KIAA0825: variants seen among roughly 807,000 people sequenced by gnomAD.
The protein encoded by KIAA0825 is uncharacterized protein KIAA0825.
Under a neutral mutation model 147.6 loss-of-function variants are expected in KIAA0825, and 119 were observed. The observed-to-expected ratio is 0.81, with a 90% CI of 0.69 to 0.94. The LOEUF is 0.94. Ranked by LOEUF, KIAA0825 falls within the 40% of genes least tolerant of loss-of-function variation. The probability of loss-of-function intolerance (pLI) is 0.00; values close to 1 mark genes in which losing one functional copy is unlikely to be tolerated. For synonymous variants in KIAA0825, 470 were observed against 518.1 expected (o/e 0.91, Z 1.26); for missense variants, 1,381 against 1,472.7 (o/e 0.94, Z 1.02).
rs114515916 is a variant in KIAA0825 at position 94,210,808 on chromosome 5, C to A, written c.3711-56684G>T. 7.5e-3 allele frequency among the ~76,000 whole-genome samples: 1,139 copies of A among 152,266 alleles called. 12 individuals carry two copies. The highest frequency in any genetic ancestry group is 0.027 in the African/African-American group (1,107 of 41,564). ...AAGAAACTGTATTAAAAAATTAGGT[C>A]TAGGGTGTGGATTTAGTTTCCTTGT... On this transcript the variant is annotated intron_variant, in intron 20 of 20. Transcript: ENST00000682413.
At chr5:94,404,681 C>T (rs975237619) in intron 15 of KIAA0825, among the ~76,000 whole-genome samples, 2 of 152,132 alleles carry the variant, frequency 1.3e-5, no homozygotes, top group Non-Finnish European at 2.9e-5. Context: ...AGGATTATTT[C>T]AAATGATAAT....
intron 20 of KIAA0825, among the ~76,000 whole-genome samples, chr5:94,301,180 G>C (rs1458172126): frequency 2.0e-5 from 3 of 152,104 alleles, no homozygotes; most frequent in Non-Finnish European, 1.5e-5. Flanking sequence ...AAGTTAGGAA[G>C]ATAATTTATG....
At chr5:94,536,303 A>G (rs911768027) in intron 3 of KIAA0825, among the ~76,000 whole-genome samples, 1 of 152,282 alleles carries the variant, frequency 6.6e-6, no homozygotes, top group African/African-American at 2.4e-5. Flanking sequence ...TTTTAAAAAA[A>G]GAAATGCTAT....
intron 20 of KIAA0825, among the ~76,000 whole-genome samples, chr5:94,301,991 T>G (rs955510132): frequency 6.6e-6 from 1 of 152,164 alleles, no homozygotes; most frequent in African/African-American, 2.4e-5. Flanking sequence ...AAAACTGTAT[T>G]CACCGAATGC....
intron 20 of KIAA0825, among the ~76,000 whole-genome samples, chr5:94,237,752 A>G (rs1224689907): frequency 6.6e-6 from 1 of 152,208 alleles, no homozygotes; most frequent in African/African-American, 2.4e-5. Context: ...AAGTAGTATT[A>G]TAATTGTTGA....
Position 94,386,265 on chromosome 5 carries a change from C to T in KIAA0825, c.3596G>A (p.Ser1199Asn). The change falls in exon 19 of 21, where the codon AGT (serine) becomes AAT (asparagine). Residue 1199 changes from serine (S) to asparagine (N), a missense_variant. Physicochemically the swap from Ser to Asn is conservative, Grantham distance 46. Transcript: ENST00000682413. ...FNPFHVYKAF[S>N]ENMLDQVSIT... ...ACATACCTGATCTAGCATGTTTTCA[C>T]TAAACGCCTTATACACATGGAAAGG... 2 of 1,549,986 alleles carry T rather than the reference C, an allele frequency of 1.3e-6. No homozygotes were observed. The highest frequency in any genetic ancestry group is 2.0e-5 in the Admixed American group (1 of 50,546).
intron 7 of KIAA0825, among the ~76,000 whole-genome samples, chr5:94,476,623 G>C (rs1761925469): frequency 6.6e-6 from 1 of 152,144 alleles, no homozygotes; most frequent in Non-Finnish European, 1.5e-5. Flanking sequence ...TTCCATCAAT[G>C]CCTTTAATTG....
chr5:94,198,249 G>C (rs895417029), intron 20 of KIAA0825, among the ~76,000 whole-genome samples: 4 of 151,824 alleles, frequency 2.6e-5, no homozygotes, highest in African/African-American at 7.3e-5. Flanking sequence ...TCCTGATTTG[G>C]CTCTCAGCTT....
At chr5:94,463,853 G>T (rs1322278845) in intron 11 of KIAA0825, among the ~76,000 whole-genome samples, 1 of 151,822 alleles carries the variant, frequency 6.6e-6, no homozygotes, top group Admixed American at 6.6e-5. Context: ...AGTGATTTAT[G>T]CTACATAAGG....
At chr5:94,553,868 C>G (rs1406870757) in intron 2 of KIAA0825, among the ~76,000 whole-genome samples, 3 of 151,982 alleles carry the variant, frequency 2.0e-5, no homozygotes, top group Non-Finnish European at 4.4e-5. Flanking sequence ...GTGATGTTCT[C>G]TAAGAAACAG....
intron 1 of KIAA0825, among the ~76,000 whole-genome samples, chr5:94,595,074 G>A (rs542372511): frequency 2.3e-4 from 35 of 152,148 alleles, no homozygotes; most frequent in Admixed American, 1.8e-3. Context: ...TGCAAGGTGC[G>A]AGCTGTTGGC....
intron 2 of KIAA0825, among the ~76,000 whole-genome samples, chr5:94,578,081 A>G (rs1281563977): frequency 1.3e-5 from 2 of 152,242 alleles, no homozygotes; most frequent in African/African-American, 4.8e-5. Context: ...GACTCTTAAC[A>G]GCAAAGATAT....
At chr5:94,251,276 A>G (rs1437134445) in intron 20 of KIAA0825, among the ~76,000 whole-genome samples, 1 of 152,118 alleles carries the variant, frequency 6.6e-6, no homozygotes, top group Non-Finnish European at 1.5e-5. Flanking sequence ...TAATATAATG[A>G]GCCTTTTTTC....
intron 20 of KIAA0825, among the ~76,000 whole-genome samples, chr5:94,243,128 G>C (rs1040603473): frequency 2.6e-5 from 4 of 152,206 alleles, no homozygotes; most frequent in Admixed American, 2.6e-4. Flanking sequence ...CCCATGGGTT[G>C]TGAGTGTTAA....
In KIAA0825 at chr5:94,540,021, T is replaced by G. The variant is rs545291551; in HGVS notation, c.-1-2894A>C. Among the ~76,000 whole-genome samples, 13 of 152,270 alleles carry G rather than the reference T, an allele frequency of 8.5e-5. No individual in the cohort carries two copies. The East Asian group carries it at 2.5e-3, about 29-fold the overall frequency. On this transcript the variant is annotated intron_variant, in intron 2 of 20. Transcript: ENST00000682413. ...GATGGAACTGCTGGAAAAGACCCCTTTGTGACCAACAAGTGGCCACTTGAA... is the reference window on the plus strand; with the variant it reads ...GATGGAACTGCTGGAAAAGACCCCTGTGTGACCAACAAGTGGCCACTTGAA...
At chr5:94,534,470 A>G (rs1257488108) in intron 3 of KIAA0825, among the ~76,000 whole-genome samples, 2 of 152,216 alleles carry the variant, frequency 1.3e-5, no homozygotes, top group African/African-American at 2.4e-5. Flanking sequence ...ACATAGAGCT[A>G]CTTCCTTATT....
chr5:94,563,686 T>A (rs1338896181), intron 2 of KIAA0825, among the ~76,000 whole-genome samples: 2 of 148,184 alleles, frequency 1.3e-5, no homozygotes, highest in Non-Finnish European at 2.9e-5. Context: ...CTTTTTTAAA[T>A]TTTTTTTATG....
chr5:94,616,728 C>T (rs542967958), intron 1 of KIAA0825, among the ~76,000 whole-genome samples: 82 of 152,280 alleles, frequency 5.4e-4, no homozygotes, highest in Non-Finnish European at 9.1e-4. Context: ...GATAATAAAA[C>T]TGGCCAAGGA....
At chr5:94,237,279 A>G (rs1775100271) in intron 20 of KIAA0825, among the ~76,000 whole-genome samples, 1 of 152,170 alleles carries the variant, frequency 6.6e-6, no homozygotes, top group South Asian at 2.1e-4. Context: ...CATGTGATGG[A>G]CACACTAAAG....
Sources: allele counts gnomAD v4.1 joint callset (sites outside exome capture counted in the v4.1 genomes callset), GRCh38; gene constraint gnomAD v4.1.1; transcripts MANE v1.5; gene names NCBI Gene and HGNC (gene_info 2026-07-23, HGNC 2026-07-21).